Variants in KIRREL3 observed in about 807,000 individuals in gnomAD.
KIRREL3 encodes kirre like nephrin family adhesion molecule 3, also known as kin of IRRE-like protein 3.
Under a neutral mutation model 89.7 loss-of-function variants are expected in KIRREL3, and 36 were observed. The ratio of observed to expected loss-of-function variants is 0.40; its 90% CI spans 0.31 to 0.53. The LOEUF (loss-of-function observed/expected upper bound fraction) is 0.53. Ranked by LOEUF, KIRREL3 falls within the 20% of genes least tolerant of loss-of-function variation. KIRREL3 has a pLI of 0.49. For synonymous variants in KIRREL3, 445 were observed against 441.4 expected, an observed-to-expected ratio of 1.01 and a Z score of -0.10; for missense variants, 864 against 1,056.6, an observed-to-expected ratio of 0.82 and a Z score of 2.53.
At position 126,623,717 on chromosome 11, in the gene KIRREL3, C is replaced by T. The variant is rs111798432; in HGVS notation, c.56-60805G>A. 0.022 allele frequency among the ~76,000 whole-genome samples: 3,399 copies of T among 151,998 alleles called. 128 individuals are homozygous for T. Among genetic ancestry groups the T allele is most frequent in the African/African-American group, 0.076 (3,131 of 41,422 alleles). Reference sequence around the variant, plus strand: ...AAAGCACAAGACCAGGCAAAGCAGGCGAGGAGAAAGCCATTGAATAAATAC... The same window carrying T: ...AAAGCACAAGACCAGGCAAAGCAGGTGAGGAGAAAGCCATTGAATAAATAC... On this transcript the variant is annotated intron_variant, in intron 1 of 16. Transcript: ENST00000525144. This position sits in a 1 kb window ranked among gnomAD's most constrained non-coding sequence, Gnocchi z 4.1.
At chr11:126,945,558 T>G (rs929292755) in intron 1 of KIRREL3, among the ~76,000 whole-genome samples, 1 of 152,194 alleles carries the variant, frequency 6.6e-6, no homozygotes, top group Non-Finnish European at 1.5e-5. Flanking sequence ...GGGAAACAGA[T>G]CTCAGGTTTC....
chr11:126,815,543 TA>T (rs1951536072), intron 1 of KIRREL3, among the ~76,000 whole-genome samples: 1 of 152,192 alleles, frequency 6.6e-6, no homozygotes, highest in South Asian at 2.1e-4. Flanking sequence ...TTTATTTATT[TA>T]TTTTTTTGAG....
At chr11:126,648,584 T>G (rs551378824) in intron 1 of KIRREL3, among the ~76,000 whole-genome samples, 6 of 152,268 alleles carry the variant, frequency 3.9e-5, no homozygotes, top group Admixed American at 3.9e-4. Context: ...GTTCATTTCA[T>G]GTCTCCTCCA....
rs1162227256 is a variant in KIRREL3, at chr11:126,908,581, C to T, written c.55+91874G>A. Among the ~76,000 whole-genome samples the T allele has an allele frequency of 1.3e-5, 2 of 152,332 alleles. No homozygotes were observed. The highest frequency in any genetic ancestry group is 4.8e-5 in the African/African-American group (2 of 41,566). On this transcript the variant is annotated intron_variant, in intron 1 of 16. Transcript: ENST00000525144. This position sits in a 1 kb window ranked among gnomAD's most constrained non-coding sequence, Gnocchi z 4.2. ...GCATAGGGTAAACGTTCTAGAAACA[C>T]TGGCTATTACTATTGGTATTATCAA...
rs1945428668 is a variant in KIRREL3, at chr11:126,879,886, A to C, written c.55+120569T>G. On this transcript the variant is annotated intron_variant, in intron 1 of 16. Transcript: ENST00000525144. The surrounding 1 kb of genome is among the most constrained non-coding windows in gnomAD (Gnocchi z 5.4). ...GTGGTTAGCCTGCTTTTGTGCTCCCATTTCAGAACAGACCATTCCCCCACC... is the reference window on the plus strand; with the variant it reads ...GTGGTTAGCCTGCTTTTGTGCTCCCCTTTCAGAACAGACCATTCCCCCACC... Among the ~76,000 whole-genome samples the C allele has an allele frequency of 6.6e-6, 1 of 152,104 alleles. No individual in the cohort carries two copies. Among genetic ancestry groups the C allele is most frequent in the Non-Finnish European group, 1.5e-5 (1 of 68,024 alleles).
chr11:126,874,423 A>C (rs1303621477), intron 1 of KIRREL3, among the ~76,000 whole-genome samples: 1 of 152,240 alleles, frequency 6.6e-6, no homozygotes, highest in Non-Finnish European at 1.5e-5. Context: ...AGAAGCTTGA[A>C]TCATGAAACA....
At chr11:126,448,962 C>G in intron 8 of KIRREL3, 47 bp downstream of exon 8, 1 of 1,552,130 alleles carries the variant, frequency 6.4e-7, no homozygotes, top group Non-Finnish European at 8.8e-7. Context: ...TAAGCAGAAA[C>G]CAGTGGATGC....
chr11:126,504,204 C>A (rs75944126), intron 4 of KIRREL3, among the ~76,000 whole-genome samples: 1,938 of 152,256 alleles, frequency 0.013, 36 homozygotes, highest in African/African-American at 0.044. Flanking sequence ...TAACTGTCCA[C>A]TATCTCTGCT....
chr11:126,519,218 A>G lies in KIRREL3; in HGVS notation c.433+2097T>C, dbSNP rs762385166. The stretch of plus-strand genomic sequence containing the variant: ...CCTTTTAGACATGACCTAAGACAAA[A>G]TCGGGTCTGTTCAGGTTGGATCCTG... On this transcript the variant is annotated intron_variant, in intron 4 of 16. Coordinates refer to ENST00000525144, the MANE Select transcript of KIRREL3 (RefSeq NM_032531.4). This position sits in a 1 kb window ranked among gnomAD's most constrained non-coding sequence, Gnocchi z 4.3. Among the ~76,000 whole-genome samples, 5 of 152,120 alleles carry G rather than the reference A, an allele frequency of 3.3e-5. 1 individual carries two copies. The South Asian group carries it at 1.0e-3, about 32-fold the overall frequency.
Position 126,647,757 on chromosome 11 carries a change from G to A in KIRREL3, c.56-84845C>T, listed in dbSNP as rs748918064. Reference sequence around the variant, plus strand: ...GTCTTCTGCTGTCTAGTTTCAACAGGGCAGTCTGAGTAGTGCTTTTAAAAA... The same window carrying A: ...GTCTTCTGCTGTCTAGTTTCAACAGAGCAGTCTGAGTAGTGCTTTTAAAAA... On this transcript the variant is annotated intron_variant, in intron 1 of 16. Transcript: ENST00000525144. The surrounding 1 kb of genome is among the most constrained non-coding windows in gnomAD (Gnocchi z 4.9). Among the ~76,000 whole-genome samples, 13 of 152,130 alleles carry A rather than the reference G, an allele frequency of 8.5e-5. No individual in the cohort carries two copies. The highest frequency in any genetic ancestry group is 6.5e-4 in the Admixed American group (10 of 15,278).
chr11:126,826,606 G>A (rs997675969), intron 1 of KIRREL3, among the ~76,000 whole-genome samples: 3 of 152,092 alleles, frequency 2.0e-5, no homozygotes, highest in African/African-American at 2.4e-5. Context: ...AACTTTCACG[G>A]CTAAGAAGTT....
At chr11:126,442,353 C>CAA (rs917826617) in intron 10 of KIRREL3, among the ~76,000 whole-genome samples, 106 of 113,684 alleles carry the variant, frequency 9.3e-4, no homozygotes, top group African/African-American at 3.2e-3. Flanking sequence ...CACACACACA[C>CAA]AAAACCTTTT....
In KIRREL3 at chr11:126,978,592, C is replaced by T. The variant is rs765228846; in HGVS notation, c.55+21863G>A. ...CCTTGGTTCTGGCCACGCCCAGCTC[C>T]GTGTGGGTCCCTGAGTGGTCTACGT... On this transcript the variant is annotated intron_variant, in intron 1 of 16. Coordinates refer to ENST00000525144, the MANE Select transcript of KIRREL3 (RefSeq NM_032531.4). The surrounding 1 kb of genome is among the most constrained non-coding windows in gnomAD (Gnocchi z 4.2). Among the ~76,000 whole-genome samples, 6 of 152,168 alleles carry T rather than the reference C, an allele frequency of 3.9e-5. No homozygotes were observed. Among genetic ancestry groups the T allele is most frequent in the Admixed American group, 6.5e-5 (1 of 15,276 alleles).
rs1349788695 is a variant in KIRREL3 at position 126,990,801 on chromosome 11, G to A, written c.55+9654C>T. On this transcript the variant is annotated intron_variant, in intron 1 of 16. Coordinates refer to ENST00000525144, the MANE Select transcript of KIRREL3 (RefSeq NM_032531.4). The surrounding 1 kb of genome is among the most constrained non-coding windows in gnomAD (Gnocchi z 6.3). Reference sequence around the variant, plus strand: ...GACGCAGAAAAAGTGCAGGTCCTAGGATTTAGGGAACGCAACCACTGAGGG... The same window carrying A: ...GACGCAGAAAAAGTGCAGGTCCTAGAATTTAGGGAACGCAACCACTGAGGG... Among the ~76,000 whole-genome samples, 1 of 152,224 alleles carries A rather than the reference G, an allele frequency of 6.6e-6. No homozygotes were observed. The highest frequency in any genetic ancestry group is 1.5e-5 in the Non-Finnish European group (1 of 68,030).
rs1470783893 is a variant in KIRREL3, at chr11:126,425,629, C to A, written c.1893+9G>T. On this transcript the variant is annotated intron_variant, in intron 16 of 16. Coordinates refer to ENST00000525144, the MANE Select transcript of KIRREL3 (RefSeq NM_032531.4). ...ATGGCTGTGTCTTATAACCCGGGGC[C>A]CTTCTTACCTTCAGGTTCTGAAACT... 1 of 1,571,622 alleles carries A rather than the reference C, an allele frequency of 6.4e-7. No individual in the cohort carries two copies. Among genetic ancestry groups the A allele is most frequent in the South Asian group, 1.2e-5 (1 of 85,590 alleles).
rs530176517 is a variant in KIRREL3 at position 126,570,513 on chromosome 11, G to A, written c.56-7601C>T. ...TAATTCCAAAAACTTGTTGTGACCC[G>A]CCAGCCCATCTCACCAGCTCCAGCA... On this transcript the variant is annotated intron_variant, in intron 1 of 16. Transcript: ENST00000525144. This position sits in a 1 kb window ranked among gnomAD's most constrained non-coding sequence, Gnocchi z 6.1. Among the ~76,000 whole-genome samples the A allele has an allele frequency of 5.3e-5, 8 of 152,250 alleles. No homozygotes were observed. Among genetic ancestry groups the A allele is most frequent in the African/African-American group, 9.6e-5 (4 of 41,552 alleles).
chr11:126,846,070 T>C (rs1440164222), intron 1 of KIRREL3, among the ~76,000 whole-genome samples: 1 of 152,228 alleles, frequency 6.6e-6, no homozygotes, highest in Non-Finnish European at 1.5e-5. Flanking sequence ...CTGATGGTTT[T>C]AACTTTTGGG....
Position 126,463,413 on chromosome 11 carries a change from T to C in KIRREL3, c.592-106A>G, listed in dbSNP as rs1157727697. 7 of 1,159,208 alleles carry C rather than the reference T, an allele frequency of 6.0e-6. No individual in the cohort carries two copies. The highest frequency in any genetic ancestry group is 4.6e-5 in the African/African-American group (3 of 65,232). The allele number at this position is 1,159,208 out of a possible 1,614,324, so 71.8% of individuals were successfully genotyped here. A position where few individuals can be genotyped will look rare whatever the true frequency, so the allele number is the denominator to read the frequency against. On this transcript the variant is annotated intron_variant, in intron 5 of 16. Transcript: ENST00000525144. This position sits in a 1 kb window ranked among gnomAD's most constrained non-coding sequence, Gnocchi z 5.9. ...CCAGCTTAGACAGAAGGGGGAGCTG[T>C]GGATGGAGGGGTTCAGCTTAGGAGA...
intron 1 of KIRREL3, among the ~76,000 whole-genome samples, chr11:126,688,007 G>A (rs185559081): frequency 2.8e-4 from 43 of 152,318 alleles, no homozygotes; most frequent in Admixed American, 2.0e-3. Context: ...TTTTATTTAC[G>A]AAAATGTCAA....
Sources: allele counts gnomAD v4.1 joint callset (sites outside exome capture counted in the v4.1 genomes callset), GRCh38; gene constraint gnomAD v4.1.1; non-coding constraint Gnocchi (gnomAD v3.1); transcripts MANE v1.5; gene names NCBI Gene and HGNC (gene_info 2026-07-23, HGNC 2026-07-21).